Variants in CPA6 observed in about 807,000 individuals in gnomAD.
CPA6 encodes the protein carboxypeptidase A6, also known as carboxypeptidase B.
A neutral mutation model predicts 63.3 loss-of-function variants in CPA6; 58 were observed. That is an observed-to-expected ratio of 0.92 (90% CI 0.74 to 1.14). The LOEUF (loss-of-function observed/expected upper bound fraction) is 1.14. Ranked by LOEUF, CPA6 falls within the 50% of genes most tolerant of loss-of-function variation. The pLI is 0.00. For synonymous variants in CPA6, 185 were observed against 179.0 expected, an observed-to-expected ratio of 1.03 and a Z score of -0.27; for missense variants, 565 against 526.6, an observed-to-expected ratio of 1.07 and a Z score of -0.71.
chr8:67,550,926 G>T (rs954292731), intron 2 of CPA6, among the ~76,000 whole-genome samples: 2 of 151,990 alleles, frequency 1.3e-5, no homozygotes, highest in Admixed American at 6.6e-5. Context: ...TATAGAGCCT[G>T]GATATTTAGA....
At chr8:67,707,220 A>G (rs1817155725) in intron 1 of CPA6, among the ~76,000 whole-genome samples, 1 of 152,182 alleles carries the variant, frequency 6.6e-6, no homozygotes, top group Non-Finnish European at 1.5e-5. Context: ...AGGTGAAAAA[A>G]CTTTCAGGAC....
intron 8 of CPA6, among the ~76,000 whole-genome samples, chr8:67,457,494 A>C (rs1810702226): frequency 6.6e-6 from 1 of 152,066 alleles, no homozygotes; most frequent in Non-Finnish European, 1.5e-5. Context: ...TCTTTCCTCC[A>C]GTCAGTCACT....
At chr8:67,552,528 C>T (rs1251370310) in intron 2 of CPA6, among the ~76,000 whole-genome samples, 4 of 152,106 alleles carry the variant, frequency 2.6e-5, no homozygotes, top group East Asian at 1.9e-4. Context: ...AATCCCAGCA[C>T]TTTGGGAGGC....
intron 1 of CPA6, among the ~76,000 whole-genome samples, chr8:67,736,174 T>C (rs897043727): frequency 6.6e-6 from 1 of 152,194 alleles, no homozygotes; most frequent in African/African-American, 2.4e-5. Flanking sequence ...TCCTGTGGTC[T>C]TTCCTTTATC....
chr8:67,683,311 T>C (rs1816637821), intron 1 of CPA6, among the ~76,000 whole-genome samples: 1 of 152,216 alleles, frequency 6.6e-6, no homozygotes, highest in Non-Finnish European at 1.5e-5. Context: ...TTTATGTCAA[T>C]CTTTGCACCA....
At chr8:67,679,266 A>G (rs1816543156) in intron 1 of CPA6, among the ~76,000 whole-genome samples, 1 of 152,232 alleles carries the variant, frequency 6.6e-6, no homozygotes, top group South Asian at 2.1e-4. Flanking sequence ...CATTTTATAT[A>G]TGTTCTATCT....
At chr8:67,538,512 G>GTTTTTTTTTTTTT (rs139665944) in intron 2 of CPA6, among the ~76,000 whole-genome samples, 4 of 90,788 alleles carry the variant, frequency 4.4e-5, no homozygotes, top group African/African-American at 8.7e-5. Flanking sequence ...TGCAACCCCT[G>GTTTTTTTTTTTTT]TTTTTTTTTT....
At chr8:67,461,316 G>A (rs1380458328) in intron 8 of CPA6, among the ~76,000 whole-genome samples, 19 of 145,220 alleles carry the variant, frequency 1.3e-4, no homozygotes, top group African/African-American at 4.1e-4. Flanking sequence ...ATCTTGCACC[G>A]CCCTTAATCC....
intron 1 of CPA6, among the ~76,000 whole-genome samples, chr8:67,717,573 G>T: frequency 6.6e-6 from 1 of 152,190 alleles, no homozygotes; most frequent in East Asian, 1.9e-4. Flanking sequence ...TATGATTTAA[G>T]AGCTTAACTA....
At chr8:67,720,569 G>T (rs1587727441) in intron 1 of CPA6, among the ~76,000 whole-genome samples, 1 of 150,382 alleles carries the variant, frequency 6.6e-6, no homozygotes, top group African/African-American at 2.4e-5. Flanking sequence ...GGCGGGAGGG[G>T]ATGGGATCCA....
chr8:67,447,015 C>CACACACATATATAT (rs1810434908), intron 8 of CPA6, among the ~76,000 whole-genome samples: 1 of 105,414 alleles, frequency 9.5e-6, no homozygotes, highest in African/African-American at 3.4e-5. Context: ...TATATATATA[C>CACACACATATATAT]ACACACACAT....
At chr8:67,422,785 C>T in intron 10 of CPA6, 94 bp from the exon 11 acceptor site, 1 of 914,884 alleles carries the variant, frequency 1.1e-6, no homozygotes. Flanking sequence ...GCTTATTAAG[C>T]TTTACTAAAT....
intron 1 of CPA6, among the ~76,000 whole-genome samples, chr8:67,662,439 C>T (rs1299706086): frequency 2.7e-5 from 4 of 147,592 alleles, no homozygotes; most frequent in East Asian, 2.0e-4. Context: ...TACATACACA[C>T]GTATATGTAT....
chr8:67,618,926 T>C (rs187151732), intron 2 of CPA6, among the ~76,000 whole-genome samples: 4 of 152,306 alleles, frequency 2.6e-5, no homozygotes, highest in Non-Finnish European at 4.4e-5. Context: ...ATTTAATTGG[T>C]TGGTGCTTTC....
intron 1 of CPA6, among the ~76,000 whole-genome samples, chr8:67,693,477 T>C (rs1012659080): frequency 6.6e-6 from 1 of 152,244 alleles, no homozygotes; most frequent in Admixed American, 6.5e-5. Flanking sequence ...GATGGTGCCA[T>C]AAACTGAATG....
intron 8 of CPA6, among the ~76,000 whole-genome samples, chr8:67,450,261 T>C (rs1810526050): frequency 1.3e-5 from 2 of 152,244 alleles, no homozygotes; most frequent in Non-Finnish European, 2.9e-5. Flanking sequence ...ACTTTACTTA[T>C]AGGTAATATG....
chr8:67,514,726 G>A (rs1220517928), intron 3 of CPA6, among the ~76,000 whole-genome samples: 1 of 152,062 alleles, frequency 6.6e-6, no homozygotes, highest in East Asian at 1.9e-4. Flanking sequence ...TAAACTAACC[G>A]GTATATTCTT....
At chr8:67,703,916 T>A (rs1026944265) in intron 1 of CPA6, among the ~76,000 whole-genome samples, 1 of 151,342 alleles carries the variant, frequency 6.6e-6, no homozygotes, top group Non-Finnish European at 1.5e-5. Flanking sequence ...GGACCCCACT[T>A]ACATGCTGCT....
At chr8:67,455,555 C>T (rs1054608443) in intron 8 of CPA6, among the ~76,000 whole-genome samples, 2 of 142,788 alleles carry the variant, frequency 1.4e-5, no homozygotes, top group Non-Finnish European at 3.0e-5. Flanking sequence ...GGGTGTGTAG[C>T]ATAGAAAAAA....
Sources: gnomAD v4.1 joint callset for allele counts (sites outside exome capture counted in the v4.1 genomes callset) on GRCh38, gnomAD v4.1.1 for gene constraint, MANE v1.5 for transcripts, NCBI Gene and HGNC (gene_info 2026-07-23, HGNC 2026-07-21) for gene names.